The following TDRKH variants were observed in gnomAD, a reference collection of about 807,000 sequenced individuals.
TDRKH encodes tudor and KH domain-containing protein.
In TDRKH, 28 loss-of-function variants were observed where a neutral mutation model predicts 61.3. The ratio of observed to expected loss-of-function variants is 0.46; its 90% CI spans 0.34 to 0.63. The LOEUF is 0.63. TDRKH is among the 20% of genes least tolerant of loss of function. The probability of loss-of-function intolerance (pLI) is 0.01; values close to 1 mark genes in which losing one functional copy is unlikely to be tolerated. For synonymous variants in TDRKH, 219 were observed against 244.4 expected (o/e 0.90, Z 0.97); for missense variants, 540 against 683.4 (o/e 0.79, Z 2.34).
chr1:151,767,316 C>G, downstream of TDRKH: 1 of 1,610,732 alleles, frequency 6.2e-7, no homozygotes, highest in South Asian at 1.1e-5. Context: ...GGACTGTGAG[C>G]TAGTGCTGTG....
At chr1:151,784,115 A>G (rs1650094472) in intron 1 of TDRKH, among the ~76,000 whole-genome samples, 1 of 152,234 alleles carries the variant, frequency 6.6e-6, no homozygotes, top group African/African-American at 2.4e-5. Flanking sequence ...CAGAGAAAAT[A>G]TCCACAAGCT....
downstream of TDRKH, among the ~76,000 whole-genome samples, chr1:151,767,743 C>A (rs1405165718): frequency 6.6e-6 from 1 of 152,172 alleles, no homozygotes; most frequent in African/African-American, 2.4e-5. Flanking sequence ...AAAGGAAGCA[C>A]ATTATAAAGC....
downstream of TDRKH, chr1:151,766,577 C>T (rs1296300291): frequency 1.3e-6 from 1 of 782,640 alleles, no homozygotes. Context: ...AGATAAGCAG[C>T]AGAGTGGAGT....
chr1:151,770,424 T>A, downstream of TDRKH: 1 of 1,007,500 alleles, frequency 9.9e-7, no homozygotes, highest in South Asian at 1.6e-5. Flanking sequence ...ACTTGTTCCA[T>A]CAAGTTACAA....
In TDRKH at chr1:151,775,014, A is replaced by G. The variant is rs758871295; in HGVS notation, c.1536+51T>C. ...TCAGGACTAGAAGCCCTTAGTGTCT[A>G]TGTGCTAGATTTGCCTGGAAGCAGC... is the stretch of plus-strand genomic sequence containing the variant. On this transcript the variant is annotated intron_variant, in intron 11 of 12. Coordinates refer to ENST00000368824, the MANE Select transcript of TDRKH (RefSeq NM_001083965.2). The G allele has an allele frequency of 7.0e-6, 11 of 1,569,050 alleles. No individual in the cohort carries two copies. In the African/African-American group the frequency reaches 1.4e-4, roughly 19 times the overall value.
downstream of TDRKH, chr1:151,766,765 A>G (rs1648372054): frequency 6.4e-7 from 1 of 1,563,462 alleles, no homozygotes; most frequent in Admixed American, 1.9e-5. Flanking sequence ...TCCCTTTCTT[A>G]TATCAAGAGG....
At position 151,790,392 on chromosome 1, in the gene TDRKH, TC is replaced by T. The variant is rs1467940799; in HGVS notation, c.-41del. On this transcript the variant is annotated 5_prime_UTR_variant, in exon 1 of 13. Coordinates refer to ENST00000368824, the MANE Select transcript of TDRKH (RefSeq NM_001083965.2). ...CCACTCCCCAAACCTTCGGTCTCCA[TC>T]CTCGCCTTTACCGCTGCTCCAGTCA... The T allele has an allele frequency of 6.5e-6, 1 of 152,688 alleles. No homozygotes were observed. The highest frequency in any genetic ancestry group is 1.9e-4 in the East Asian group (1 of 5,194). 9.5% of individuals were successfully genotyped at this position (152,688 alleles called of 1,614,324 possible).
At chr1:151,781,328 A>AATATATATAT (rs60652277) in intron 3 of TDRKH, among the ~76,000 whole-genome samples, 153 bp downstream of exon 3, 720 of 68,568 alleles carry the variant, frequency 0.011, 76 homozygotes, top group Non-Finnish European at 0.017. Flanking sequence ...AAAAAAAAAA[A>AATATATATAT]ATATATATAT....
intron 3 of TDRKH, 149 bp downstream of exon 3, chr1:151,781,329 ATAT>A (rs748826680): frequency 0.016 from 2,082 of 133,886 alleles, 33 homozygotes; most frequent in Middle Eastern, 0.026. Context: ...AAAAAAAAAA[ATAT>A]ATATATATAT....
chr1:151,787,480 G>A (rs1247307196), intron 1 of TDRKH, among the ~76,000 whole-genome samples: 2 of 152,110 alleles, frequency 1.3e-5, no homozygotes, highest in Non-Finnish European at 2.9e-5. Flanking sequence ...GCCTCCCAAA[G>A]TGCTGGGATT....
chr1:151,767,435 G>A (rs1648404770), downstream of TDRKH: 1 of 1,457,142 alleles, frequency 6.9e-7, no homozygotes. Flanking sequence ...AAAGCTACTT[G>A]CTATATAGAC....
chr1:151,769,099 T>C (rs1483707695), downstream of TDRKH, among the ~76,000 whole-genome samples: 2 of 151,832 alleles, frequency 1.3e-5, no homozygotes, highest in African/African-American at 2.4e-5. Context: ...GATTTCTCTA[T>C]CTTTTCCCCA....
At chr1:151,790,198 T>C (rs1340089033) in intron 1 of TDRKH, among the ~76,000 whole-genome samples, 182 bp downstream of exon 1, 2 of 151,990 alleles carry the variant, frequency 1.3e-5, no homozygotes. Context: ...CAGTTACGAG[T>C]TCCCAGTGGG....
intron 3 of TDRKH, among the ~76,000 whole-genome samples, 183 bp from the exon 4 acceptor site, chr1:151,780,323 T>C (rs1649630575): frequency 8.3e-6 from 1 of 120,226 alleles, no homozygotes. Flanking sequence ...ATACAACCAG[T>C]CCTCACTTTA....
rs1648996248 is a variant in TDRKH, at chr1:151,774,820, A to G, written c.1537-14T>C. On this transcript the variant is annotated splice_polypyrimidine_tract_variant and intron_variant, in intron 11 of 12. Coordinates refer to ENST00000368824, the MANE Select transcript of TDRKH (RefSeq NM_001083965.2). ...TGTTTCTGTGGCCTGAGTGGATGAA[A>G]ACAGGAAAAAAGGAGGAACATGTTG... The G allele has an allele frequency of 6.2e-7, 1 of 1,613,542 alleles. No homozygotes were observed. The highest frequency in any genetic ancestry group is 8.5e-7 in the Non-Finnish European group (1 of 1,179,636).
At chr1:151,766,529 T>C (rs1271387962), downstream of TDRKH, 2 of 613,502 alleles carry the variant, frequency 3.3e-6, no homozygotes, top group Non-Finnish European at 5.7e-6. Flanking sequence ...ATAACATGCA[T>C]ACTAGTCGAA....
chr1:151,775,273 T>C, intron 10 of TDRKH, 107 bp from the exon 11 acceptor site: 1 of 1,551,882 alleles, frequency 6.4e-7, no homozygotes, highest in Non-Finnish European at 8.8e-7. Context: ...TTTGGTGAGA[T>C]GGTGAGAAGG....
chr1:151,774,561 T>C (rs1648965452), intron 12 of TDRKH, 57 bp from the exon 13 acceptor site: 2 of 1,606,878 alleles, frequency 1.2e-6, no homozygotes, highest in African/African-American at 1.3e-5. Context: ...TAGCAGGCAA[T>C]GCCAGCGAGG....
chr1:151,767,300 G>C, downstream of TDRKH: 1 of 1,613,392 alleles, frequency 6.2e-7, no homozygotes, highest in Non-Finnish European at 8.5e-7. Flanking sequence ...ACTGTATTCG[G>C]TAAGTGGACT....
Sources: gnomAD v4.1 joint callset for allele counts (sites outside exome capture counted in the v4.1 genomes callset) on GRCh38, gnomAD v4.1.1 for gene constraint, MANE v1.5 for transcripts, NCBI Gene and HGNC (gene_info 2026-07-23, HGNC 2026-07-21) for gene names.